Variants in PTPRT observed in about 807,000 individuals in gnomAD.
PTPRT encodes the protein receptor-type tyrosine-protein phosphatase T.
In PTPRT, 56 loss-of-function variants were observed where a neutral mutation model predicts 176.8. That is an observed-to-expected ratio of 0.32 (90% CI 0.26 to 0.40). The LOEUF is 0.40. PTPRT is among the 10% of genes least tolerant of loss of function. PTPRT has a pLI of 1.00. For missense variants in PTPRT, 1,540 were observed against 1,908.2 expected (o/e 0.81, Z 3.60); for synonymous variants, 783 against 739.0 (o/e 1.06, Z -0.96).
At chr20:43,144,600 G>C (rs2014113412) in intron 1 of PTPRT, among the ~76,000 whole-genome samples, 1 of 152,110 alleles carries the variant, frequency 6.6e-6, no homozygotes. Flanking sequence ...CAATTTTTAT[G>C]AAATGTCCAG....
chr20:42,204,498 T>C (rs73120420), intron 15 of PTPRT, among the ~76,000 whole-genome samples: 24,548 of 152,214 alleles, frequency 0.16, 2,574 homozygotes, highest in Non-Finnish European at 0.22. Context: ...AAAGAGAGTA[T>C]GCATAAGTCT....
intron 16 of PTPRT, among the ~76,000 whole-genome samples, chr20:42,177,369 C>T (rs1164375566): frequency 6.6e-6 from 1 of 152,224 alleles, no homozygotes; most frequent in African/African-American, 2.4e-5. Context: ...TCTTTCTGCT[C>T]TTACTGAATG....
intron 20 of PTPRT, 72 bp from the exon 21 acceptor site, chr20:42,118,572 G>T: frequency 7.4e-7 from 1 of 1,346,556 alleles, no homozygotes; most frequent in Non-Finnish European, 1.0e-6. Context: ...TTGTCCCCCC[G>T]GTTGGTCAAG....
Position 42,104,638 on chromosome 20 carries a change from A to C in PTPRT, c.3471T>G (p.Arg1157=). ...GNTAIPVCEF[R]SLYYNISRLD... The stretch of plus-strand genomic sequence containing the variant: ...GCCTGCTGATATTGTAGTAGAGAGA[A>C]CGGAACTCACACACAGGGATGGCAG... Residue 1157 remains arginine (R), a synonymous_variant, in exon 25 of 31, where the codon CGT becomes CGG. Coordinates refer to ENST00000373187, the MANE Select transcript of PTPRT (RefSeq NM_007050.6). 1 of 1,605,020 alleles carries C rather than the reference A, an allele frequency of 6.2e-7. No individual in the cohort carries two copies. The highest frequency in any genetic ancestry group is 8.5e-7 in the Non-Finnish European group (1 of 1,171,750).
At chr20:42,978,218 A>T (rs1464166516) in intron 1 of PTPRT, among the ~76,000 whole-genome samples, 1 of 152,238 alleles carries the variant, frequency 6.6e-6, no homozygotes, top group Non-Finnish European at 1.5e-5. Flanking sequence ...ATTAATAACT[A>T]ATAATAAAGT....
intron 9 of PTPRT, among the ~76,000 whole-genome samples, chr20:42,430,312 A>C (rs1290161704): frequency 6.6e-6 from 1 of 152,224 alleles, no homozygotes; most frequent in East Asian, 1.9e-4. Flanking sequence ...GCATGATGGA[A>C]AATGCTTGGC....
chr20:42,216,695 C>G (rs535248154), intron 15 of PTPRT, among the ~76,000 whole-genome samples: 31 of 152,248 alleles, frequency 2.0e-4, no homozygotes, highest in African/African-American at 6.5e-4. Flanking sequence ...CTTTCCATTC[C>G]TTTATTGTTG....
At chr20:42,460,900 G>A (rs978191408) in intron 8 of PTPRT, among the ~76,000 whole-genome samples, 1 of 152,120 alleles carries the variant, frequency 6.6e-6, no homozygotes, top group Non-Finnish European at 1.5e-5. Flanking sequence ...ACTAATACAC[G>A]CTGTTTAAAA....
intron 11 of PTPRT, among the ~76,000 whole-genome samples, chr20:42,349,789 A>G (rs2058249330): frequency 6.6e-6 from 1 of 152,218 alleles, no homozygotes. Context: ...CAAAACCGGC[A>G]GTCAATATTG....
Position 42,241,879 on chromosome 20 carries a change from G to T in PTPRT, c.2313-5621C>A, listed in dbSNP as rs553164127. Among the ~76,000 whole-genome samples the T allele has an allele frequency of 9.2e-5, 14 of 152,228 alleles. No homozygotes were observed. The East Asian group carries it at 2.5e-3, about 27-fold the overall frequency. On this transcript the variant is annotated intron_variant, in intron 14 of 30. Coordinates refer to ENST00000373187, the MANE Select transcript of PTPRT (RefSeq NM_007050.6). ...TTATGCCACAGAATTTGGCATCTCAGCAGGTCCTGTTTTATATTTAATCCA... is the reference window on the plus strand; with the variant it reads ...TTATGCCACAGAATTTGGCATCTCATCAGGTCCTGTTTTATATTTAATCCA...
At chr20:42,170,799 A>T (rs1028219559) in intron 16 of PTPRT, among the ~76,000 whole-genome samples, 2 of 152,230 alleles carry the variant, frequency 1.3e-5, no homozygotes, top group Non-Finnish European at 2.9e-5. Flanking sequence ...GAAGCACATT[A>T]TGTGTCCTTT....
At chr20:42,337,051 A>G (rs1414060585) in intron 11 of PTPRT, among the ~76,000 whole-genome samples, 2 of 152,132 alleles carry the variant, frequency 1.3e-5, no homozygotes, top group African/African-American at 4.8e-5. Flanking sequence ...TTTCTTTTTG[A>G]GCTGTGGCAT....
chr20:43,151,080 G>T (rs2014335101), intron 1 of PTPRT, among the ~76,000 whole-genome samples: 1 of 152,014 alleles, frequency 6.6e-6, no homozygotes, highest in African/African-American at 2.4e-5. Flanking sequence ...GCCTAGGAGG[G>T]CAGATCACCT....
rs114555671 is a variant in PTPRT, at chr20:42,670,123, T to C, written c.1153+7743A>G. On this transcript the variant is annotated intron_variant, in intron 7 of 30. Transcript: ENST00000373187. ...CTAAGAAAGTACACAGAGTAGCAGC[T>C]AGAGAAATCCTTCTTAAAACAGGGT... Among the ~76,000 whole-genome samples, 629 of 152,286 alleles carry C rather than the reference T, an allele frequency of 4.1e-3. 7 individuals are homozygous for C. In the Middle Eastern group the frequency reaches 0.044, roughly 11 times the overall value.
intron 16 of PTPRT, among the ~76,000 whole-genome samples, chr20:42,195,620 T>C (rs1362452103): frequency 3.3e-5 from 5 of 152,194 alleles, no homozygotes; most frequent in Admixed American, 2.6e-4. Context: ...TCCTAACGTA[T>C]TCAGTGATTC....
At chr20:42,224,429 T>A (rs2055957919) in intron 15 of PTPRT, among the ~76,000 whole-genome samples, 1 of 152,218 alleles carries the variant, frequency 6.6e-6, no homozygotes, top group African/African-American at 2.4e-5. Flanking sequence ...CCAAATAGCA[T>A]CTTGACTTCT....
intron 18 of PTPRT, among the ~76,000 whole-genome samples, chr20:42,131,188 C>T (rs145952216): frequency 1.1e-3 from 165 of 152,322 alleles, no homozygotes; most frequent in African/African-American, 3.7e-3. Context: ...CCAGTTCCTG[C>T]AGGATTCTAG....
chr20:42,591,856 T>C (rs1310074515), intron 7 of PTPRT, among the ~76,000 whole-genome samples: 2 of 152,066 alleles, frequency 1.3e-5, no homozygotes, highest in Non-Finnish European at 2.9e-5. Flanking sequence ...CAGTTGAGCA[T>C]TTAAATGAGA....
chr20:43,020,368 G>A (rs189830003), intron 1 of PTPRT, among the ~76,000 whole-genome samples: 5 of 152,026 alleles, frequency 3.3e-5, no homozygotes, highest in South Asian at 2.1e-4. Context: ...ATGTGTGCCT[G>A]TGTATTTATA....
Sources: gnomAD v4.1 joint callset for allele counts (sites outside exome capture counted in the v4.1 genomes callset) on GRCh38, gnomAD v4.1.1 for gene constraint, MANE v1.5 for transcripts, NCBI Gene and HGNC (gene_info 2026-07-23, HGNC 2026-07-21) for gene names.